LRRC4C: variants seen among roughly 807,000 people sequenced by gnomAD.
The protein encoded by LRRC4C is leucine rich repeat containing 4C.
Under a neutral mutation model 33.6 loss-of-function variants are expected in LRRC4C, and 5 were observed. The ratio of observed to expected loss-of-function variants is 0.15; its 90% CI spans 0.08 to 0.31. The LOEUF (loss-of-function observed/expected upper bound fraction) is 0.31. LRRC4C is among the 10% of genes least tolerant of loss of function. The pLI, the probability that LRRC4C is intolerant of heterozygous loss-of-function variation, is 1.00. For missense variants in LRRC4C, 560 were observed against 796.7 expected (o/e 0.70, Z 3.58); for synonymous variants, 329 against 302.0 (o/e 1.09, Z -0.93).
At chr11:41,399,950 G>C (rs1953962544) in intron 1 of LRRC4C, among the ~76,000 whole-genome samples, 1 of 151,950 alleles carries the variant, frequency 6.6e-6, no homozygotes, top group African/African-American at 2.4e-5. Context: ...GGATAACAGA[G>C]CACCAGGACA....
At chr11:40,770,945 G>A (rs143775358) in intron 2 of LRRC4C, among the ~76,000 whole-genome samples, 39 of 152,228 alleles carry the variant, frequency 2.6e-4, no homozygotes, top group African/African-American at 7.9e-4. Context: ...GAGTACCTGT[G>A]GCTTTTCTAG....
At chr11:40,876,471 C>G (rs1022402532) in intron 2 of LRRC4C, among the ~76,000 whole-genome samples, 3 of 151,972 alleles carry the variant, frequency 2.0e-5, no homozygotes, top group African/African-American at 7.3e-5. Flanking sequence ...TGTTATCTGC[C>G]AACTTGAACA....
intron 1 of LRRC4C, among the ~76,000 whole-genome samples, chr11:40,950,114 C>G (rs1958624991): frequency 1.3e-5 from 2 of 151,988 alleles, no homozygotes; most frequent in Admixed American, 1.3e-4. Flanking sequence ...CTGGGTGGAA[C>G]TATAGTGAGG....
At chr11:41,002,633 A>G (rs1406377077) in intron 1 of LRRC4C, among the ~76,000 whole-genome samples, 2 of 152,212 alleles carry the variant, frequency 1.3e-5, no homozygotes, top group Non-Finnish European at 2.9e-5. Context: ...TATTTTATTC[A>G]TGCTGAGCAA....
intron 6 of LRRC4C, among the ~76,000 whole-genome samples, chr11:40,118,266 TTTA>T (rs1855581933): frequency 6.7e-6 from 1 of 149,786 alleles, no homozygotes; most frequent in Non-Finnish European, 1.5e-5. Context: ...TATAAAATAT[TTTA>T]TTATAAAATA....
chr11:41,021,721 CT>C (rs1855996557), intron 1 of LRRC4C, among the ~76,000 whole-genome samples: 2 of 152,014 alleles, frequency 1.3e-5, no homozygotes, highest in African/African-American at 4.8e-5. Context: ...AAAAGTCTTG[CT>C]TTCTGCCTGA....
At chr11:40,811,132 A>G (rs1478749364) in intron 2 of LRRC4C, among the ~76,000 whole-genome samples, 1 of 152,128 alleles carries the variant, frequency 6.6e-6, no homozygotes, top group South Asian at 2.1e-4. Flanking sequence ...CATCTGGAAG[A>G]TATTTCTCAA....
At chr11:41,302,600 A>T (rs1950317583) in intron 1 of LRRC4C, among the ~76,000 whole-genome samples, 1 of 152,234 alleles carries the variant, frequency 6.6e-6, no homozygotes, top group Non-Finnish European at 1.5e-5. Flanking sequence ...AAGAAACAAA[A>T]ATAACAGAAG....
At chr11:40,493,564 A>G (rs559401761) in intron 3 of LRRC4C, among the ~76,000 whole-genome samples, 1 of 152,264 alleles carries the variant, frequency 6.6e-6, no homozygotes, top group East Asian at 1.9e-4. Flanking sequence ...TAAAAAAAAA[A>G]TTGTGTGATT....
intron 1 of LRRC4C, among the ~76,000 whole-genome samples, chr11:41,127,108 CAG>C (rs1374416249): frequency 2.0e-5 from 3 of 152,034 alleles, no homozygotes; most frequent in Non-Finnish European, 4.4e-5. Flanking sequence ...TTCTCTGAGA[CAG>C]TATTTTTTCT....
intron 3 of LRRC4C, among the ~76,000 whole-genome samples, chr11:40,567,442 A>G (rs1957809610): frequency 6.6e-6 from 1 of 152,154 alleles, no homozygotes; most frequent in Non-Finnish European, 1.5e-5. Context: ...TTCCAACAGC[A>G]GTTTGACGTA....
chr11:40,489,133 T>G (rs1954018199), intron 3 of LRRC4C, among the ~76,000 whole-genome samples: 1 of 152,088 alleles, frequency 6.6e-6, no homozygotes, highest in African/African-American at 2.4e-5. Flanking sequence ...CAAATCCCAC[T>G]TCATTATATC....
intron 2 of LRRC4C, among the ~76,000 whole-genome samples, chr11:40,673,920 T>C (rs970511377): frequency 6.6e-6 from 1 of 152,178 alleles, no homozygotes; most frequent in Non-Finnish European, 1.5e-5. Context: ...CAATGCACCA[T>C]TGTATATTCA....
At chr11:41,122,453 A>G (rs1313446039) in intron 1 of LRRC4C, among the ~76,000 whole-genome samples, 4 of 152,112 alleles carry the variant, frequency 2.6e-5, no homozygotes, top group Non-Finnish European at 2.9e-5. Flanking sequence ...AAACTGCCTC[A>G]TATTTGAAAA....
rs1006020591 is a variant in LRRC4C, at chr11:41,262,593, G to T, written c.-496+196838C>A. Among the ~76,000 whole-genome samples the T allele has an allele frequency of 5.9e-5, 9 of 151,952 alleles. No homozygotes were observed. In the South Asian group the frequency reaches 1.9e-3, roughly 32 times the overall value. On this transcript the variant is annotated intron_variant, in intron 1 of 6. Transcript: ENST00000528697. ...TACTTAAAGCCAGGATAACAAAATGGTTGCTATATCCAAGAAAACATCTAC... is the reference window on the plus strand; with the variant it reads ...TACTTAAAGCCAGGATAACAAAATGTTTGCTATATCCAAGAAAACATCTAC...
chr11:40,696,693 T>C (rs943758271), intron 2 of LRRC4C, among the ~76,000 whole-genome samples: 5 of 146,990 alleles, frequency 3.4e-5, no homozygotes, highest in South Asian at 4.3e-4. Flanking sequence ...CAGGCAATGT[T>C]GCACCTATAC....
intron 1 of LRRC4C, among the ~76,000 whole-genome samples, chr11:41,350,643 G>T (rs1384659300): frequency 2.6e-5 from 4 of 152,042 alleles, no homozygotes; most frequent in African/African-American, 9.7e-5. Context: ...GACTGAAATG[G>T]TTGAAATGAC....
chr11:40,245,894 A>G (rs542077480), intron 4 of LRRC4C, among the ~76,000 whole-genome samples: 2 of 151,962 alleles, frequency 1.3e-5, no homozygotes, highest in East Asian at 3.9e-4. Context: ...AGTATTATAA[A>G]TTCAACTTTA....
intron 5 of LRRC4C, among the ~76,000 whole-genome samples, chr11:40,229,595 G>C (rs1269488329): frequency 5.3e-5 from 8 of 152,106 alleles, no homozygotes; most frequent in Non-Finnish European, 1.0e-4. Flanking sequence ...ATTAATAGCA[G>C]CCCACATATT....
Sources: gnomAD v4.1 joint callset for allele counts (sites outside exome capture counted in the v4.1 genomes callset) on GRCh38, gnomAD v4.1.1 for gene constraint, MANE v1.5 for transcripts, NCBI Gene and HGNC (gene_info 2026-07-23, HGNC 2026-07-21) for gene names.